Variants in CCDC180 observed in about 807,000 individuals in gnomAD.
CCDC180 encodes coiled-coil domain-containing protein 180.
A neutral mutation model predicts 209.2 loss-of-function variants in CCDC180; 154 were observed. That is an observed-to-expected ratio of 0.74 (90% CI 0.65 to 0.84). CCDC180 has a LOEUF of 0.84. Among genes scored for constraint, CCDC180 ranks in the 40% least tolerant of loss-of-function variants. CCDC180 has a pLI of 0.00. For synonymous variants in CCDC180, 778 were observed against 749.1 expected (o/e 1.04, Z -0.63); for missense variants, 1,874 against 1,997.3 (o/e 0.94, Z 1.18).
intron 10 of CCDC180, 127 bp downstream of exon 10, chr9:97,318,709 C>T (rs907484827): frequency 1.6e-6 from 2 of 1,276,064 alleles, no homozygotes; most frequent in African/African-American, 1.5e-5. Flanking sequence ...GCTCTCTGGC[C>T]CTGGGCTGGC....
intron 33 of CCDC180, 39 bp from the exon 34 acceptor site, chr9:97,371,556 C>T: frequency 7.4e-7 from 1 of 1,356,246 alleles, no homozygotes; most frequent in Non-Finnish European, 1.0e-6. Flanking sequence ...GAGGGATGAT[C>T]CTCTCCTAGC....
In CCDC180 at chr9:97,343,500, C is replaced by G. The variant is rs2061634; in HGVS notation, c.2435C>G (p.Ser812Cys). The G allele has an allele frequency of 0.26, 425,924 of 1,612,734 alleles. 58,719 individuals are homozygous for G. Among genetic ancestry groups the G allele is most frequent in the African/African-American group, 0.42 (31,219 of 74,856 alleles). Residue 812 changes from serine to cysteine, a missense_variant, in exon 19 of 37, where the codon TCC becomes TGC. Coordinates refer to ENST00000529487, the MANE Select transcript of CCDC180 (RefSeq NM_020893.6). ...TFSAMFINDT[S>C]SAKFIEQVTI... ...TCAGCCATGTTCATCAACGACACTT[C>G]CAGTGCCAAGTTCATAGAACAAGTG...
chr9:97,308,522 G>T (rs571716719), intron 2 of CCDC180, among the ~76,000 whole-genome samples: 2 of 152,020 alleles, frequency 1.3e-5, no homozygotes, highest in Non-Finnish European at 1.5e-5. Flanking sequence ...TTCTATGCCC[G>T]TGGGCGCCCA....
Position 97,307,801 on chromosome 9 carries a change from T to G in CCDC180, c.-87T>G, listed in dbSNP as rs763164355. On this transcript the variant is annotated 5_prime_UTR_variant, in exon 1 of 37. Transcript: ENST00000529487. ...GCCTCCTGCTCGAGTTCAGAGCTCA[T>G]CTGAGGTTAGTTTCATCGTTTCGTT... The G allele has an allele frequency of 2.5e-6, 4 of 1,614,076 alleles. No individual in the cohort carries two copies. In the Admixed American group the frequency reaches 6.7e-5, roughly 27 times the overall value.
At chr9:97,314,978 A>C in intron 8 of CCDC180, 32 bp downstream of exon 8, 2 of 1,562,306 alleles carry the variant, frequency 1.3e-6, no homozygotes, top group Non-Finnish European at 1.8e-6. Flanking sequence ...GGATCAGCCC[A>C]TGGGAGAAGG....
At chr9:97,327,642 AACCCT>A (rs1833577773) in intron 15 of CCDC180, among the ~76,000 whole-genome samples, 1 of 152,160 alleles carries the variant, frequency 6.6e-6, no homozygotes, top group South Asian at 2.1e-4. Context: ...GCAAGTACGT[AACCCT>A]ATGAGCCTTG....
intron 22 of CCDC180, among the ~76,000 whole-genome samples, chr9:97,354,346 G>A (rs559459722): frequency 2.0e-5 from 3 of 152,212 alleles, no homozygotes; most frequent in Middle Eastern, 3.4e-3. Context: ...TTTTGTTTCA[G>A]TTGGGTCTGT....
intron 31 of CCDC180, among the ~76,000 whole-genome samples, chr9:97,367,230 A>G (rs1826948396): frequency 6.6e-6 from 1 of 152,178 alleles, no homozygotes; most frequent in Non-Finnish European, 1.5e-5. Flanking sequence ...TAATATTTCA[A>G]GGTTTATGCA....
chr9:97,330,457 A>G lies in CCDC180; in HGVS notation c.1964A>G (p.Glu655Gly), dbSNP rs1825703725. The change falls in exon 18 of 37, where the codon GAA becomes GGA. Residue 655 changes from glutamate (E) to glycine (G), a missense_variant. Physicochemically the swap from Glu to Gly is moderately conservative, Grantham distance 98 (BLOSUM62 -2). Coordinates refer to ENST00000529487, the MANE Select transcript of CCDC180 (RefSeq NM_020893.6). ...STARSVEEVEEENDQEMESFI... is the reference protein window; with the variant it reads ...STARSVEEVEGENDQEMESFI... ...GCCAGGTCAGTAGAAGAGGTGGAAG[A>G]AGAAAACGATCAAGAAATGGAGTCC... The G allele has an allele frequency of 6.2e-7, 1 of 1,614,210 alleles. No homozygotes were observed.
chr9:97,349,170 C>T lies in CCDC180; in HGVS notation c.2734C>T (p.Leu912=). ...DSHCAGVTET[L]KKKRLMFCQF... ...CCACTGTGCTGGGGTGACCGAGACG[C>T]TGAAGAAGAAGCGGCTGATGTTCTG... The change falls in exon 21 of 37, where the codon CTG becomes TTG. Residue 912 remains leucine, a synonymous_variant. Transcript: ENST00000529487. 6.5e-7 allele frequency: 1 copy of T among 1,536,362 alleles called. No individual in the cohort carries two copies. Among genetic ancestry groups the T allele is most frequent in the Non-Finnish European group, 8.7e-7 (1 of 1,146,972 alleles).
rs747512927 is a variant in CCDC180 at position 97,354,953 on chromosome 9, T to G, written c.3209T>G (p.Phe1070Cys). ...KFHNLSVDLIFIEKIQRLLTN... is the reference protein window; with the variant it reads ...KFHNLSVDLICIEKIQRLLTN... ...CATAACCTGTCTGTGGACCTTATTT[T>G]CATAGAGAAAATCCAGCGGTTGCTG... Residue 1070 changes from phenylalanine to cysteine, a missense_variant, in exon 24 of 37, where the codon TTC becomes TGC. Physicochemically the swap from Phe to Cys is radical, Grantham distance 205. Transcript: ENST00000529487. 5 of 1,614,186 alleles carry G rather than the reference T, an allele frequency of 3.1e-6. No individual in the cohort carries two copies. The highest frequency in any genetic ancestry group is 4.2e-6 in the Non-Finnish European group (5 of 1,180,008).
intron 18 of CCDC180, among the ~76,000 whole-genome samples, chr9:97,337,515 A>G (rs1488412260): frequency 6.6e-6 from 1 of 151,560 alleles, no homozygotes; most frequent in Non-Finnish European, 1.5e-5. Flanking sequence ...GATGAAGCCA[A>G]CTTGATCTTG....
In CCDC180 at chr9:97,363,387, G is replaced by A. The variant is rs144362020; in HGVS notation, c.3903-664G>A. Among the ~76,000 whole-genome samples the A allele has an allele frequency of 1.4e-4, 21 of 152,290 alleles. No homozygotes were observed. In the East Asian group the frequency reaches 4.1e-3, roughly 29 times the overall value. ...CTTAGAGCAGGCTGACTTCCTGGGTGGCTTCTTGGAGATAAGGTGGGGGTG... is the reference window on the plus strand; with the variant it reads ...CTTAGAGCAGGCTGACTTCCTGGGTAGCTTCTTGGAGATAAGGTGGGGGTG... On this transcript the variant is annotated intron_variant, in intron 28 of 36. Transcript: ENST00000529487.
intron 18 of CCDC180, among the ~76,000 whole-genome samples, chr9:97,342,314 C>A (rs1587813168): frequency 6.6e-6 from 1 of 152,148 alleles, no homozygotes; most frequent in East Asian, 1.9e-4. Flanking sequence ...TTGGAATGGA[C>A]CTCTAATTTT....
intron 25 of CCDC180, among the ~76,000 whole-genome samples, chr9:97,359,304 G>A (rs539336604): frequency 2.0e-5 from 3 of 152,212 alleles, no homozygotes; most frequent in Non-Finnish European, 2.9e-5. Context: ...GTCCTCTCCT[G>A]TTAGGGTGTT....
rs1232892078 is a variant in CCDC180, at chr9:97,366,544, C to T, written c.4048-15C>T. The T allele has an allele frequency of 1.9e-6, 3 of 1,612,848 alleles. No homozygotes were observed. The East Asian group carries it at 6.7e-5, about 36-fold the overall frequency. ...CATGGAGTCCTCACCCGCACATGGT[C>T]ACCCTCTCTGGCAGGAGTTCTACCG... On this transcript the variant is annotated splice_polypyrimidine_tract_variant and intron_variant, in intron 30 of 36. Transcript: ENST00000529487. The surrounding 1 kb of genome is among the most constrained non-coding windows in gnomAD (Gnocchi z 4.3).
intron 9 of CCDC180, among the ~76,000 whole-genome samples, chr9:97,317,450 C>T (rs1833214803): frequency 6.6e-6 from 1 of 152,194 alleles, no homozygotes; most frequent in African/African-American, 2.4e-5. Context: ...TATATTTTCT[C>T]CCAGGCTCTT....
intron 2 of CCDC180, 32 bp downstream of exon 2, chr9:97,308,164 A>G (rs768997433): frequency 8.8e-5 from 135 of 1,527,488 alleles, no homozygotes; most frequent in Non-Finnish European, 1.1e-4. Flanking sequence ...GCTTTTCTCC[A>G]TCCCCCTTCC....
chr9:97,369,828 G>A lies in CCDC180; in HGVS notation c.4190-94G>A. 2.2e-6 allele frequency: 3 copies of A among 1,393,220 alleles called. No homozygotes were observed. In the South Asian group the frequency reaches 4.0e-5, roughly 18 times the overall value. 86.3% of individuals were successfully genotyped at this position (1,393,220 alleles called of 1,614,324 possible). On this transcript the variant is annotated intron_variant, in intron 31 of 36. Transcript: ENST00000529487. Reference sequence around the variant, plus strand: ...CGTTGGAGACCAAGATTTTCTCTTTGGGAAGCTGCTTTGGGCCTTTGTTGT... The same window carrying A: ...CGTTGGAGACCAAGATTTTCTCTTTAGGAAGCTGCTTTGGGCCTTTGTTGT...
Sources: gnomAD v4.1 joint callset for allele counts (sites outside exome capture counted in the v4.1 genomes callset) on GRCh38, gnomAD v4.1.1 for gene constraint, Gnocchi (gnomAD v3.1) non-coding constraint, MANE v1.5 for transcripts, NCBI Gene and HGNC (gene_info 2026-07-23, HGNC 2026-07-21) for gene names.